Variants in CNTNAP4 observed in about 807,000 individuals in gnomAD.
CNTNAP4 encodes contactin associated protein family member 4, also known as contactin-associated protein-like 4.
In CNTNAP4, 98 loss-of-function variants were observed where a neutral mutation model predicts 148.4. That is an observed-to-expected ratio of 0.66 (90% CI 0.56 to 0.78). The LOEUF is 0.78. CNTNAP4 is among the 30% of genes least tolerant of loss of function. The probability of loss-of-function intolerance (pLI) is 0.00; values close to 1 mark genes in which losing one functional copy is unlikely to be tolerated. For missense variants in CNTNAP4, 1,935 were observed against 1,565.6 expected (o/e 1.24, Z -3.98); for synonymous variants, 730 against 565.1 (o/e 1.29, Z -4.14).
At position 76,308,972 on chromosome 16, in the gene CNTNAP4, A is replaced by T. The variant is rs957416512; in HGVS notation, c.86-7441A>T. ...TCTGAGTAGCTAGGATTCCAGGCTA[A>T]TTTTTTTTTTTTTTTAAAGAGATGG... On this transcript the variant is annotated intron_variant, in intron 1 of 23. Transcript: ENST00000611870. Among the ~76,000 whole-genome samples, 10 of 142,802 alleles carry T rather than the reference A, an allele frequency of 7.0e-5. No individual in the cohort carries two copies. In the East Asian group the frequency reaches 8.2e-4, roughly 12 times the overall value. The allele number at this position is 142,802 out of a possible 152,430, so 93.7% of individuals were successfully genotyped here.
At position 76,498,708 on chromosome 16, in the gene CNTNAP4, A is replaced by G; in HGVS notation, c.2365+14A>G. On this transcript the variant is annotated intron_variant, in intron 15 of 23. Transcript: ENST00000611870. ...GCCAGGGAGACAGTAAGTGGTTACA[A>G]TGTGTTGAAACCGTATTTGAGAAAA... 1.3e-6 allele frequency: 2 copies of G among 1,594,116 alleles called. No individual in the cohort carries two copies. The highest frequency in any genetic ancestry group is 1.8e-5 in the Admixed American group (1 of 55,572).
intron 13 of CNTNAP4, among the ~76,000 whole-genome samples, chr16:76,494,266 C>T (rs116321037): frequency 2.0e-5 from 3 of 152,106 alleles, no homozygotes; most frequent in Admixed American, 2.0e-4. Context: ...AGGGAAACTT[C>T]CATTGAGTGT....
intron 1 of CNTNAP4, among the ~76,000 whole-genome samples, chr16:76,290,402 C>G (rs1238935358): frequency 6.6e-6 from 1 of 152,220 alleles, no homozygotes; most frequent in East Asian, 1.9e-4. Flanking sequence ...ATGCTCATTC[C>G]TTCCTCTTTT....
chr16:76,300,829 A>T (rs1297969733), intron 1 of CNTNAP4, among the ~76,000 whole-genome samples: 1 of 152,156 alleles, frequency 6.6e-6, no homozygotes, highest in East Asian at 1.9e-4. Context: ...ACATGAAATC[A>T]ATTTGCAGTA....
At position 76,531,849 on chromosome 16, in the gene CNTNAP4, G is replaced by C. The variant is rs191062556; in HGVS notation, c.2756-3696G>C. ...AGACATTATGTTTTCTGGTCATTTA[G>C]AGTGTGGCTTAAAACTATTTGGTTA... On this transcript the variant is annotated intron_variant, in intron 17 of 23. Transcript: ENST00000611870. Among the ~76,000 whole-genome samples the C allele has an allele frequency of 4.7e-3, 712 of 152,298 alleles. 4 individuals are homozygous for C. The highest frequency in any genetic ancestry group is 0.017 in the African/African-American group (691 of 41,570).
intron 4 of CNTNAP4, among the ~76,000 whole-genome samples, chr16:76,439,388 T>C (rs553425381): frequency 6.6e-6 from 1 of 152,286 alleles, no homozygotes; most frequent in Admixed American, 6.5e-5. Context: ...CATTTTGATA[T>C]TTCCATTTGA....
At chr16:76,313,317 C>T (rs533694689) in intron 1 of CNTNAP4, among the ~76,000 whole-genome samples, 8 of 152,228 alleles carry the variant, frequency 5.3e-5, no homozygotes, top group African/African-American at 1.7e-4. Flanking sequence ...CCCTTTTCAC[C>T]ACACTTACAC....
intron 18 of CNTNAP4, among the ~76,000 whole-genome samples, chr16:76,536,138 C>G (rs77789938): frequency 0.036 from 5,526 of 152,108 alleles, 178 homozygotes; most frequent in Admixed American, 0.1. Flanking sequence ...ATATGGCTGT[C>G]AGCAACCTGC....
At position 76,479,841 on chromosome 16, in the gene CNTNAP4, A is replaced by G. The variant is rs534940101; in HGVS notation, c.1882+303A>G. On this transcript the variant is annotated intron_variant, in intron 12 of 23. Coordinates refer to ENST00000611870, the MANE Select transcript of CNTNAP4 (RefSeq NM_033401.5). ...TTGATACATGTAAAAGCTTTGAAGA[A>G]TATTTACTTTTTAAATGTATGTAAA... Among the ~76,000 whole-genome samples the G allele has an allele frequency of 1.1e-4, 17 of 152,282 alleles. No individual in the cohort carries two copies. The South Asian group carries it at 3.5e-3, about 32-fold the overall frequency.
chr16:76,462,159 C>T (rs2080998474), intron 9 of CNTNAP4, 54 bp downstream of exon 9: 3 of 1,481,534 alleles, frequency 2.0e-6, no homozygotes, highest in Non-Finnish European at 2.8e-6. Flanking sequence ...GCATTAGTGC[C>T]CCCGTGTCTT....
In CNTNAP4 at chr16:76,383,112, CT is replaced by C. The variant is rs5817988; in HGVS notation, c.390+27613del. ...AAGGAAAAATCAAGCATTTATCCCA[CT>C]TTTTTTTTTTTAATTACTAAACTGC... On this transcript the variant is annotated intron_variant, in intron 3 of 23. Transcript: ENST00000611870. Among the ~76,000 whole-genome samples, 505 of 147,262 alleles carry C rather than the reference CT, an allele frequency of 3.4e-3. 2 individuals are homozygous for C. The highest frequency in any genetic ancestry group is 9.5e-3 in the African/African-American group (382 of 40,162).
At chr16:76,416,704 T>A (rs977459353) in intron 3 of CNTNAP4, among the ~76,000 whole-genome samples, 1 of 151,406 alleles carries the variant, frequency 6.6e-6, no homozygotes, top group South Asian at 2.1e-4. Flanking sequence ...GTGTGTCTGC[T>A]GTTGTTGGGT....
At chr16:76,334,410 G>T (rs1055236198) in intron 2 of CNTNAP4, among the ~76,000 whole-genome samples, 3 of 152,050 alleles carry the variant, frequency 2.0e-5, no homozygotes, top group Non-Finnish European at 4.4e-5. Flanking sequence ...TCTTCGACTT[G>T]CTGCTCACAG....
intron 1 of CNTNAP4, among the ~76,000 whole-genome samples, chr16:76,281,951 A>G (rs550228584): frequency 3.9e-5 from 6 of 152,084 alleles, no homozygotes; most frequent in Admixed American, 1.3e-4. Flanking sequence ...ATTAAATTTT[A>G]TTAAGATTGT....
At chr16:76,411,757 C>G (rs1402444013) in intron 3 of CNTNAP4, among the ~76,000 whole-genome samples, 3 of 151,212 alleles carry the variant, frequency 2.0e-5, no homozygotes, top group Non-Finnish European at 4.4e-5. Context: ...TTTAAAGTGC[C>G]AAGGACCTAT....
chr16:76,429,858 T>C lies in CNTNAP4; in HGVS notation c.538+2259T>C, dbSNP rs117857315. Among the ~76,000 whole-genome samples, 115 of 152,328 alleles carry C rather than the reference T, an allele frequency of 7.5e-4. 1 individual carries two copies. The highest frequency in any genetic ancestry group is 2.5e-3 in the Admixed American group (38 of 15,288). ...TTTTCACATTGACCCATGGTTGAAG[T>C]AGTAGTACTGGAAGCCAGCAGGATT... On this transcript the variant is annotated intron_variant, in intron 4 of 23. Transcript: ENST00000611870.
chr16:76,387,787 G>C (rs977143334), intron 3 of CNTNAP4, among the ~76,000 whole-genome samples: 1 of 152,138 alleles, frequency 6.6e-6, no homozygotes, highest in Non-Finnish European at 1.5e-5. Flanking sequence ...GTTGTCATAA[G>C]AAATAAGATG....
At chr16:76,547,290 A>T (rs531791212) in intron 21 of CNTNAP4, among the ~76,000 whole-genome samples, 20 of 152,352 alleles carry the variant, frequency 1.3e-4, no homozygotes, top group African/African-American at 4.8e-4. Flanking sequence ...AGAGATCGCA[A>T]TTAAGATATT....
chr16:76,521,961 G>A, intron 16 of CNTNAP4, 78 bp from the exon 17 acceptor site: 1 of 1,252,942 alleles, frequency 8.0e-7, no homozygotes, highest in Admixed American at 1.7e-5. Flanking sequence ...ACGCTGTAGT[G>A]TGTTCCTAAG....
Sources: allele counts gnomAD v4.1 joint callset (sites outside exome capture counted in the v4.1 genomes callset), GRCh38; gene constraint gnomAD v4.1.1; transcripts MANE v1.5; gene names NCBI Gene and HGNC (gene_info 2026-07-23, HGNC 2026-07-21).